The following BLMH variants were observed in gnomAD, a reference collection of about 807,000 sequenced individuals.
The protein encoded by BLMH is BLM hydrolase.
A neutral mutation model predicts 61.6 loss-of-function variants in BLMH; 32 were observed. The observed-to-expected ratio is 0.52, with a 90% CI of 0.39 to 0.70. The LOEUF (loss-of-function observed/expected upper bound fraction) is 0.70, where lower values mean the gene tolerates loss of function less well. Among genes scored for constraint, BLMH ranks in the 30% least tolerant of loss-of-function variants. BLMH has a pLI of 0.00. For synonymous variants in BLMH, 183 were observed against 193.8 expected (o/e 0.94, Z 0.46); for missense variants, 460 against 555.5 (o/e 0.83, Z 1.73).
Position 30,248,977 on chromosome 17 carries a change from G to A in BLMH, c.*40C>T, listed in dbSNP as rs189092759. 63 of 1,610,236 alleles carry A rather than the reference G, an allele frequency of 3.9e-5. No individual in the cohort carries two copies. The South Asian group carries it at 4.9e-4, about 12-fold the overall frequency. ...CCCTGGATCTGTCCTTTGCAGCTAC[G>A]TCAGGTTCCATGGAAGGAGGAAAGA... On this transcript the variant is annotated 3_prime_UTR_variant, in exon 12 of 12. Transcript: ENST00000261714.
At position 30,285,493 on chromosome 17, in the gene BLMH, C is replaced by T. The variant is rs1461860632; in HGVS notation, c.553-13G>A. 9 of 1,590,438 alleles carry T rather than the reference C, an allele frequency of 5.7e-6. No individual in the cohort carries two copies. The East Asian group carries it at 6.8e-5, about 12-fold the overall frequency. ...AGAATTCTCTCATCTATGACAGAAA[C>T]TTATTCAGCACTCCAACAGTTACCC... On this transcript the variant is annotated splice_polypyrimidine_tract_variant and intron_variant, in intron 5 of 11. Coordinates refer to ENST00000261714, the MANE Select transcript of BLMH (RefSeq NM_000386.4).
intron 11 of BLMH, among the ~76,000 whole-genome samples, chr17:30,256,032 G>A (rs996647256): frequency 1.8e-4 from 28 of 152,124 alleles, no homozygotes; most frequent in African/African-American, 6.0e-4. Context: ...GACTACAGAC[G>A]TGCGCCTCCT....
intron 10 of BLMH, 31 bp downstream of exon 10, chr17:30,271,240 A>C: frequency 6.8e-7 from 1 of 1,476,796 alleles, no homozygotes; most frequent in Non-Finnish European, 9.5e-7. Context: ...CATCTGTGCA[A>C]ACACTCCAGC....
chr17:30,281,075 T>G lies in BLMH; in HGVS notation c.645+4313A>C, dbSNP rs149209883. 3.6e-3 allele frequency among the ~76,000 whole-genome samples: 544 copies of G among 151,164 alleles called. 1 individual carries two copies. The highest frequency in any genetic ancestry group is 6.5e-3 in the South Asian group (31 of 4,790). The stretch of plus-strand genomic sequence containing the variant: ...AAGGGCAAAGATCTGTGTTTTTTTT[T>G]TTGTTGTTTCTTTGTTGTTTTTTTT... On this transcript the variant is annotated intron_variant, in intron 6 of 11. Transcript: ENST00000261714.
chr17:30,253,304 G>T (rs2143019517), intron 11 of BLMH, among the ~76,000 whole-genome samples: 2 of 152,306 alleles, frequency 1.3e-5, no homozygotes, highest in South Asian at 4.1e-4. Flanking sequence ...AAGCATATCA[G>T]ATTAAGTCCT....
chr17:30,259,553 T>A (rs190258978), intron 11 of BLMH, among the ~76,000 whole-genome samples: 2 of 152,094 alleles, frequency 1.3e-5, no homozygotes, highest in East Asian at 3.9e-4. Context: ...AACTGCCCTC[T>A]TGGAAAAAAA....
Position 30,272,332 on chromosome 17 carries a change from G to A in BLMH, c.1028+229C>T, listed in dbSNP as rs1032738534. 45 of 556,778 alleles carry A rather than the reference G, an allele frequency of 8.1e-5. No individual in the cohort carries two copies. In the East Asian group the frequency reaches 1.1e-3, roughly 13 times the overall value. 34.5% of individuals were successfully genotyped at this position (556,778 alleles called of 1,614,324 possible). A position where few individuals can be genotyped will look rare whatever the true frequency, so the allele number is the denominator to read the frequency against. On this transcript the variant is annotated intron_variant, in intron 9 of 11. Coordinates refer to ENST00000261714, the MANE Select transcript of BLMH (RefSeq NM_000386.4). ...GGATGGCTTTTTAGGAACGCCCAAC[G>A]ATTTCCACTCAGATAGAAAGTGGGA...
rs1416357524 is a variant in BLMH, at chr17:30,248,341, A to C, written c.*676T>G. 6.6e-6 allele frequency: 1 copy of C among 152,342 alleles called. No homozygotes were observed. 9.4% of individuals were successfully genotyped at this position (152,342 alleles called of 1,614,324 possible). A position where few individuals can be genotyped will look rare whatever the true frequency, so the allele number is the denominator to read the frequency against. On this transcript the variant is annotated 3_prime_UTR_variant, in exon 12 of 12. Coordinates refer to ENST00000261714, the MANE Select transcript of BLMH (RefSeq NM_000386.4). ...AAACCATTTGGCTAGAGTTCCCCCTAATGATTATGACTGAGACCATGATAA... is the reference window on the plus strand; with the variant it reads ...AAACCATTTGGCTAGAGTTCCCCCTCATGATTATGACTGAGACCATGATAA...
intron 10 of BLMH, among the ~76,000 whole-genome samples, chr17:30,267,842 C>A (rs370998183): frequency 6.6e-6 from 1 of 152,306 alleles, no homozygotes; most frequent in East Asian, 1.9e-4. Flanking sequence ...CCTGTATTAT[C>A]GCCTAATGAT....
intron 10 of BLMH, among the ~76,000 whole-genome samples, chr17:30,267,627 T>C (rs749357860): frequency 1.8e-4 from 28 of 152,364 alleles, no homozygotes; most frequent in Middle Eastern, 3.4e-3. Context: ...ATCTTCATTA[T>C]TAAAATAAGC....
chr17:30,288,901 AG>A (rs777284302), intron 3 of BLMH, among the ~76,000 whole-genome samples: 2 of 152,122 alleles, frequency 1.3e-5, no homozygotes, highest in African/African-American at 2.4e-5. Context: ...CAGGAGGCAG[AG>A]GTTACAGTGA....
At chr17:30,257,967 G>A (rs1485555089) in intron 11 of BLMH, among the ~76,000 whole-genome samples, 1 of 152,044 alleles carries the variant, frequency 6.6e-6, no homozygotes, top group Non-Finnish European at 1.5e-5. Flanking sequence ...CCCTATTTTT[G>A]TTGGGTCCAT....
intron 6 of BLMH, among the ~76,000 whole-genome samples, chr17:30,275,039 TAAAA>T (rs539113684): frequency 1.6e-5 from 2 of 125,444 alleles, no homozygotes; most frequent in African/African-American, 5.9e-5. Context: ...AGTCATGGTT[TAAAA>T]AAAAAAAAAA....
chr17:30,286,643 TATTA>T (rs1908735162), intron 5 of BLMH, among the ~76,000 whole-genome samples, 167 bp downstream of exon 5: 2 of 152,224 alleles, frequency 1.3e-5, no homozygotes, highest in Admixed American at 1.3e-4. Context: ...AACCCTCTAA[TATTA>T]ATTATTTTTA....
At chr17:30,257,407 T>C (rs1258436054) in intron 11 of BLMH, among the ~76,000 whole-genome samples, 1 of 152,038 alleles carries the variant, frequency 6.6e-6, no homozygotes, top group Admixed American at 6.5e-5. Flanking sequence ...CTACCACTAG[T>C]ATAAGAAAAG....
At chr17:30,269,505 TTA>T (rs757419379) in intron 10 of BLMH, among the ~76,000 whole-genome samples, 1 of 152,150 alleles carries the variant, frequency 6.6e-6, no homozygotes, top group Non-Finnish European at 1.5e-5. Context: ...TAACCTAACT[TTA>T]TGTTTTGTTT....
chr17:30,262,590 C>T (rs946825095), intron 11 of BLMH, among the ~76,000 whole-genome samples: 3 of 152,076 alleles, frequency 2.0e-5, no homozygotes, highest in African/African-American at 2.4e-5. Flanking sequence ...GTCAGGAGAT[C>T]GAGACCATCC....
In BLMH at chr17:30,286,795, C is replaced by T. The variant is rs764403485; in HGVS notation, c.552+19G>A. 5.1e-5 allele frequency: 79 copies of T among 1,537,142 alleles called. No individual in the cohort carries two copies. Among genetic ancestry groups the T allele is most frequent in the Middle Eastern group, 3.4e-4 (2 of 5,970 alleles). On this transcript the variant is annotated intron_variant, in intron 5 of 11. Coordinates refer to ENST00000261714, the MANE Select transcript of BLMH (RefSeq NM_000386.4). ...GAAAGTACACTAAACTCAATCCCAC[C>T]CTGCTTCATATATTGTACCTTGTGA... is the stretch of plus-strand genomic sequence containing the variant.
At position 30,291,332 on chromosome 17, in the gene BLMH, T is replaced by A. The variant is rs143544764; in HGVS notation, c.190A>T (p.Ile64Phe). Reference sequence around the variant, plus strand: ...ACACCTGAGCTCTTCTGGTTGGTGATTGGCTTGCCCTCCTGGGGCACGGCG... The same window carrying A: ...ACACCTGAGCTCTTCTGGTTGGTGAATGGCTTGCCCTCCTGGGGCACGGCG... ...QHAVPQEGKP[I>F]TNQKSSGRCW... The change falls in exon 2 of 12, where the codon ATC (isoleucine) becomes TTC (phenylalanine). Residue 64 changes from isoleucine (I) to phenylalanine (F), a missense_variant. This residue lies in a region of BLMH where 86 missense variants were observed against 84.5 expected (regional missense o/e 1.02). Coordinates refer to ENST00000261714, the MANE Select transcript of BLMH (RefSeq NM_000386.4). 1 of 1,612,882 alleles carries A rather than the reference T, an allele frequency of 6.2e-7. No individual in the cohort carries two copies.
Sources: allele counts gnomAD v4.1 joint callset (sites outside exome capture counted in the v4.1 genomes callset), GRCh38; gene constraint gnomAD v4.1.1; regional missense constraint gnomAD v4.1.1; transcripts MANE v1.5; gene names NCBI Gene and HGNC (gene_info 2026-07-23, HGNC 2026-07-21).